The following GLCE variants were observed in gnomAD, a reference collection of about 807,000 sequenced individuals.
The protein encoded by GLCE is D-glucuronyl C5-epimerase.
In GLCE, 19 loss-of-function variants were observed where a neutral mutation model predicts 47.9. The ratio of observed to expected loss-of-function variants is 0.40; its 90% CI spans 0.28 to 0.58. GLCE has a LOEUF of 0.58. Among genes scored for constraint, GLCE ranks in the 20% least tolerant of loss-of-function variants. The probability of loss-of-function intolerance (pLI) is 0.48; values close to 1 mark genes in which losing one functional copy is unlikely to be tolerated. For missense variants in GLCE, 556 were observed against 743.3 expected (o/e 0.75, Z 2.93); for synonymous variants, 245 against 263.4 (o/e 0.93, Z 0.68).
chr15:69,229,409 AG>A (rs1405716117), intron 2 of GLCE, among the ~76,000 whole-genome samples: 1 of 152,190 alleles, frequency 6.6e-6, no homozygotes, highest in Non-Finnish European at 1.5e-5. Context: ...GGAATTACAA[AG>A]GTTTGAGTTT....
At chr15:69,238,758 T>G (rs2052626515) in intron 2 of GLCE, among the ~76,000 whole-genome samples, 1 of 152,170 alleles carries the variant, frequency 6.6e-6, no homozygotes, top group South Asian at 2.1e-4. Flanking sequence ...TGAACATACA[T>G]AATTATAAAC....
intron 3 of GLCE, among the ~76,000 whole-genome samples, chr15:69,260,433 GTA>G (rs2052997693): frequency 6.6e-6 from 1 of 151,828 alleles, no homozygotes; most frequent in African/African-American, 2.4e-5. Flanking sequence ...CTAGCTTTTT[GTA>G]TGTTAGTAGA....
At chr15:69,179,021 C>T (rs937499352) in intron 1 of GLCE, among the ~76,000 whole-genome samples, 3 of 152,138 alleles carry the variant, frequency 2.0e-5, no homozygotes, top group African/African-American at 7.2e-5. Context: ...TGGTATGCCG[C>T]TTATATTGCT....
intron 2 of GLCE, among the ~76,000 whole-genome samples, chr15:69,214,996 T>C (rs960342017): frequency 6.6e-6 from 1 of 152,220 alleles, no homozygotes; most frequent in East Asian, 1.9e-4. Context: ...ATCAATCTAC[T>C]GTGCCATTTC....
chr15:69,189,891 G>C (rs1303655272), intron 1 of GLCE, among the ~76,000 whole-genome samples: 4 of 151,820 alleles, frequency 2.6e-5, no homozygotes, highest in African/African-American at 4.8e-5. Context: ...GTGTCATGGA[G>C]GTTTGTTGTA....
At chr15:69,197,247 G>T in intron 1 of GLCE, 1 of 404,126 alleles carries the variant, frequency 2.5e-6, no homozygotes, top group Non-Finnish European at 5.0e-6. Flanking sequence ...CTGACTTCTT[G>T]CCAACTGACT....
At chr15:69,168,669 A>G (rs1309161683) in intron 1 of GLCE, among the ~76,000 whole-genome samples, 1 of 151,782 alleles carries the variant, frequency 6.6e-6, no homozygotes, top group Non-Finnish European at 1.5e-5. Context: ...AGTAGCTGGG[A>G]TTACATGCAT....
intron 1 of GLCE, among the ~76,000 whole-genome samples, chr15:69,183,059 GT>G (rs530950968): frequency 5.3e-4 from 80 of 152,084 alleles, no homozygotes; most frequent in African/African-American, 1.8e-3. Flanking sequence ...AATTGAGAAG[GT>G]TTAAGGTTTG....
intron 1 of GLCE, among the ~76,000 whole-genome samples, chr15:69,176,216 G>GTTT (rs35017106): frequency 0.34 from 21,213 of 63,110 alleles, 6,571 homozygotes; most frequent in South Asian, 0.43. Context: ...GTGGAACCTT[G>GTTT]TTTTTTTTTT....
intron 1 of GLCE, among the ~76,000 whole-genome samples, chr15:69,205,830 T>G (rs145947661): frequency 2.2e-4 from 34 of 152,240 alleles, no homozygotes; most frequent in Non-Finnish European, 3.5e-4. Flanking sequence ...AAAAACAACC[T>G]TTTTATTTTG....
chr15:69,182,569 A>G (rs142128831), intron 1 of GLCE, among the ~76,000 whole-genome samples: 36 of 152,252 alleles, frequency 2.4e-4, no homozygotes, highest in Non-Finnish European at 4.3e-4. Flanking sequence ...TATGGATTTA[A>G]TTTGGGTAAG....
intron 2 of GLCE, among the ~76,000 whole-genome samples, chr15:69,215,991 T>G (rs888934392): frequency 6.6e-6 from 1 of 152,214 alleles, no homozygotes; most frequent in African/African-American, 2.4e-5. Context: ...TCTGACTATT[T>G]AGCTATGCTT....
intron 4 of GLCE, 86 bp from the exon 5 acceptor site, chr15:69,268,134 G>A: frequency 1.3e-6 from 1 of 787,956 alleles, no homozygotes; most frequent in Middle Eastern, 3.0e-4. Flanking sequence ...TGCGGTCAGG[G>A]TTTTCAAGGA....
At chr15:69,172,174 A>AG (rs1424730320) in intron 1 of GLCE, among the ~76,000 whole-genome samples, 1 of 152,212 alleles carries the variant, frequency 6.6e-6, no homozygotes, top group Non-Finnish European at 1.5e-5. Flanking sequence ...TGTATAAAAG[A>AG]GTATTTTGGC....
At chr15:69,161,940 G>A (rs1451163101) in intron 1 of GLCE, among the ~76,000 whole-genome samples, 1 of 152,132 alleles carries the variant, frequency 6.6e-6, no homozygotes, top group South Asian at 2.1e-4. Context: ...CCTAGGTGGT[G>A]GTCTGCTTTG....
At chr15:69,268,076 T>C (rs958803467) in intron 4 of GLCE, 144 bp from the exon 5 acceptor site, 17 of 578,514 alleles carry the variant, frequency 2.9e-5, no homozygotes, top group Non-Finnish European at 4.5e-5. Flanking sequence ...TAATAAAAAA[T>C]AAAATTACAA....
intron 2 of GLCE, among the ~76,000 whole-genome samples, chr15:69,223,015 G>C (rs1306949445): frequency 6.6e-6 from 1 of 152,032 alleles, no homozygotes. Flanking sequence ...GTCAGTTGTT[G>C]GTGTCACAAA....
intron 1 of GLCE, among the ~76,000 whole-genome samples, chr15:69,163,539 G>C (rs949789358): frequency 1.3e-5 from 2 of 152,142 alleles, no homozygotes; most frequent in South Asian, 4.1e-4. Flanking sequence ...AATTAGTAAA[G>C]AAAGATTAAA....
Position 69,244,048 on chromosome 15 carries a change from T to G in GLCE, c.-13-11746T>G, listed in dbSNP as rs114938370. ...GGGGCTTTTAGAACATGAGTACATT[T>G]TCAAAGCCTCACATTAACATGGGGA... On this transcript the variant is annotated intron_variant, in intron 2 of 4. Transcript: ENST00000261858. Among the ~76,000 whole-genome samples, 979 of 152,344 alleles carry G rather than the reference T, an allele frequency of 6.4e-3. 22 individuals are homozygous for G. The highest frequency in any genetic ancestry group is 0.022 in the African/African-American group (925 of 41,576).
Sources: allele counts gnomAD v4.1 joint callset (sites outside exome capture counted in the v4.1 genomes callset), GRCh38; gene constraint gnomAD v4.1.1; transcripts MANE v1.5; gene names NCBI Gene and HGNC (gene_info 2026-07-23, HGNC 2026-07-21).